Variants in DNAH11 observed in about 807,000 individuals in gnomAD.
DNAH11 encodes the protein axonemal beta dynein heavy chain 11.
In DNAH11, 442 loss-of-function variants were observed where a neutral mutation model predicts 526.0. The observed-to-expected ratio is 0.84, with a 90% confidence interval of 0.78 to 0.91. DNAH11 has a LOEUF of 0.91. Ranked by LOEUF, DNAH11 falls within the 40% of genes least tolerant of loss-of-function variation. The pLI is 0.00. For synonymous variants in DNAH11, 2,461 were observed against 1,935.9 expected, an observed-to-expected ratio of 1.27 and a Z score of -7.12; for missense variants, 6,989 against 5,448.7, an observed-to-expected ratio of 1.28 and a Z score of -8.90.
intron 42 of DNAH11, among the ~76,000 whole-genome samples, chr7:21,715,228 A>G (rs886702960): frequency 2.6e-5 from 4 of 152,222 alleles, no homozygotes; most frequent in African/African-American, 9.6e-5. Flanking sequence ...ATCCAACCCC[A>G]GAGGCCTGAG....
chr7:21,712,782 A>G (rs114291994), intron 42 of DNAH11, among the ~76,000 whole-genome samples: 2,313 of 152,310 alleles, frequency 0.015, 52 homozygotes, highest in African/African-American at 0.053. Flanking sequence ...CTAAATATCT[A>G]TATGCTCACT....
chr7:21,884,487 A>T, intron 76 of DNAH11, 77 bp downstream of exon 76: 2 of 1,413,228 alleles, frequency 1.4e-6, no homozygotes, highest in Non-Finnish European at 1.9e-6. Context: ...TAAACTAATT[A>T]TACTATGGGC....
chr7:21,592,966 A>G (rs1784741160), intron 14 of DNAH11, among the ~76,000 whole-genome samples: 2 of 152,178 alleles, frequency 1.3e-5, no homozygotes, highest in South Asian at 2.1e-4. Context: ...AGAATTGCAA[A>G]TGTGTCTTGT....
intron 40 of DNAH11, among the ~76,000 whole-genome samples, chr7:21,709,395 G>A (rs929483735): frequency 2.6e-5 from 4 of 152,080 alleles, no homozygotes; most frequent in Admixed American, 6.6e-5. Context: ...ACATAAAGAT[G>A]GGAGCCATTG....
chr7:21,751,767 G>T (rs1213198824), intron 54 of DNAH11, among the ~76,000 whole-genome samples: 2 of 152,168 alleles, frequency 1.3e-5, no homozygotes, highest in East Asian at 3.9e-4. Context: ...GCAATTCTAG[G>T]TTAGAAGGTT....
intron 25 of DNAH11, among the ~76,000 whole-genome samples, chr7:21,622,746 G>T (rs1229604650): frequency 2.0e-5 from 3 of 152,134 alleles, no homozygotes; most frequent in African/African-American, 7.2e-5. Flanking sequence ...AAATGGTGCT[G>T]GGAAAACTGG....
intron 66 of DNAH11, among the ~76,000 whole-genome samples, chr7:21,848,575 T>A (rs1179615361): frequency 1.3e-5 from 2 of 152,138 alleles, no homozygotes; most frequent in African/African-American, 4.8e-5. Context: ...TTTGTATGAT[T>A]CCAGTGTCTT....
At chr7:21,782,917 AAAAAAG>A (rs771337874) in intron 57 of DNAH11, among the ~76,000 whole-genome samples, 132 of 135,930 alleles carry the variant, frequency 9.7e-4, no homozygotes, top group Admixed American at 1.0e-3. Context: ...CAAAAAAAAA[AAAAAAG>A]AAAGAAAGAA....
intron 30 of DNAH11, among the ~76,000 whole-genome samples, chr7:21,675,047 CTG>C (rs887908704): frequency 6.6e-6 from 1 of 152,086 alleles, no homozygotes; most frequent in Non-Finnish European, 1.5e-5. Flanking sequence ...ATCTAAATGA[CTG>C]TAGCATCCTC....
intron 54 of DNAH11, among the ~76,000 whole-genome samples, chr7:21,752,323 T>A (rs1168332382): frequency 6.6e-6 from 1 of 152,220 alleles, no homozygotes; most frequent in Admixed American, 6.5e-5. Context: ...ACAGGTGACA[T>A]CTAGATCCCC....
chr7:21,750,472 G>A (rs1786366346), intron 54 of DNAH11, 108 bp downstream of exon 54: 1 of 1,420,916 alleles, frequency 7.0e-7, no homozygotes. Flanking sequence ...CATGCATTTT[G>A]AAAGGACGTG....
At position 21,680,569 on chromosome 7, in the gene DNAH11, C is replaced by T. The variant is rs1783097552; in HGVS notation, c.5329-977C>T. On this transcript the variant is annotated intron_variant, in intron 30 of 81. Coordinates refer to ENST00000409508, the MANE Select transcript of DNAH11 (RefSeq NM_001277115.2). ...GTAGGTAGTCAAAACGGAAATAAAA[C>T]AGCATGAAACAATACATTCTCTTAC... Among the ~76,000 whole-genome samples the T allele has an allele frequency of 7.2e-5, 11 of 152,302 alleles. 1 individual carries two copies. The South Asian group carries it at 2.3e-3, about 32-fold the overall frequency.
At chr7:21,855,607 A>C (rs1782814383) in intron 68 of DNAH11, among the ~76,000 whole-genome samples, 1 of 152,208 alleles carries the variant, frequency 6.6e-6, no homozygotes, top group Non-Finnish European at 1.5e-5. Context: ...TTGTTATTGT[A>C]AGAGCCAGCA....
chr7:21,659,118 G>A (rs367699949), intron 30 of DNAH11, 87 bp downstream of exon 30: 21 of 1,146,612 alleles, frequency 1.8e-5, no homozygotes, highest in East Asian at 2.6e-5. Context: ...TTCATTTACC[G>A]AGTGTCATCT....
intron 68 of DNAH11, among the ~76,000 whole-genome samples, chr7:21,857,847 T>C (rs772748599): frequency 5.4e-4 from 83 of 152,294 alleles, no homozygotes; most frequent in Admixed American, 1.2e-3. Flanking sequence ...GCTATACATT[T>C]TCTAGGAGAA....
chr7:21,846,660 A>C (rs1430551376), intron 66 of DNAH11, among the ~76,000 whole-genome samples: 1 of 152,034 alleles, frequency 6.6e-6, no homozygotes, highest in Admixed American at 6.6e-5. Flanking sequence ...ATCGGTCCGT[A>C]GTTGTTTTGT....
rs72655988 is a variant in DNAH11 at position 21,582,013 on chromosome 7, G to A, written c.1702G>A (p.Ala568Thr). ...CTTTAACTGCAATGGCTTAGAAGCT[G>A]CATTTAAGGTTAGTTCTGAAGAAGC... ...AFFNCNGLEA[A>T]FKLLTIFGNF... is the part of the protein sequence containing the mutation. The change falls in exon 9 of 82, where the codon GCA becomes ACA. Residue 568 changes from alanine (A) to threonine (T), a missense_variant. Coordinates refer to ENST00000409508, the MANE Select transcript of DNAH11 (RefSeq NM_001277115.2). 0.044 allele frequency: 70,845 copies of A among 1,603,644 alleles called. 1,805 individuals carry two copies. The highest frequency in any genetic ancestry group is 0.055 in the South Asian group (5,019 of 90,706).
chr7:21,760,581 G>C (rs7791639), intron 54 of DNAH11, among the ~76,000 whole-genome samples: 142,587 of 152,304 alleles, frequency 0.94, 66,922 homozygotes, highest in African/African-American at 0.98. Context: ...AAATTTTGTT[G>C]ATACGTTGGC....
intron 6 of DNAH11, among the ~76,000 whole-genome samples, chr7:21,564,799 AAGT>A (rs1783595626): frequency 1.3e-5 from 2 of 152,302 alleles, no homozygotes; most frequent in African/African-American, 2.4e-5. Context: ...AATCCTAAAA[AAGT>A]AGTAGAATTG....
Sources: gnomAD v4.1 joint callset for allele counts (sites outside exome capture counted in the v4.1 genomes callset) on GRCh38, gnomAD v4.1.1 for gene constraint, MANE v1.5 for transcripts, NCBI Gene and HGNC (gene_info 2026-07-23, HGNC 2026-07-21) for gene names.